PGD: variants seen among roughly 807,000 people sequenced by gnomAD.
PGD encodes 6-phosphogluconate dehydrogenase, decarboxylating.
A neutral mutation model predicts 60.4 loss-of-function variants in PGD; 21 were observed. That is an observed-to-expected ratio of 0.35 (90% confidence interval 0.25 to 0.50). The LOEUF (loss-of-function observed/expected upper bound fraction) is 0.50, where lower values mean the gene tolerates loss of function less well. PGD is among the 20% of genes least tolerant of loss of function. PGD has a pLI of 0.98. For synonymous variants in PGD, 230 were observed against 235.9 expected, an observed-to-expected ratio of 0.97 and a Z score of 0.23; for missense variants, 477 against 613.1, an observed-to-expected ratio of 0.78 and a Z score of 2.34.
Position 10,401,964 on chromosome 1 carries a change from G to A in PGD, c.265-1107G>A, listed in dbSNP as rs569819479. ...CGGGAGGCAGAGCTTGCAGTGAGCCGAGATCACACCACTGCATTGCAGCCT... is the reference window on the plus strand; with the variant it reads ...CGGGAGGCAGAGCTTGCAGTGAGCCAAGATCACACCACTGCATTGCAGCCT... On this transcript the variant is annotated intron_variant, in intron 3 of 12. Coordinates refer to ENST00000270776, the MANE Select transcript of PGD (RefSeq NM_002631.4). Among the ~76,000 whole-genome samples, 222 of 151,770 alleles carry A rather than the reference G, an allele frequency of 1.5e-3. 1 individual carries two copies. Among genetic ancestry groups the A allele is most frequent in the African/African-American group, 4.5e-3 (184 of 41,322 alleles).
Position 10,420,243 on chromosome 1 carries a change from CAAG to C in PGD, c.*497_*499del, listed in dbSNP as rs1639670575. On this transcript the variant is annotated 3_prime_UTR_variant, in exon 13 of 13. Coordinates refer to ENST00000270776, the MANE Select transcript of PGD (RefSeq NM_002631.4). Reference sequence around the variant, plus strand: ...TTTAAAAAAAAAGACTAGAATAACACAAGAAACCACATTTAGGATTATGCTTCA... The same window carrying C: ...TTTAAAAAAAAAGACTAGAATAACACAAACCACATTTAGGATTATGCTTCA... The C allele has an allele frequency of 1.9e-5, 3 of 159,006 alleles. No homozygotes were observed. The highest frequency in any genetic ancestry group is 6.0e-5 in the Admixed American group (1 of 16,802). The allele number at this position is 159,006 out of a possible 1,614,324, so 9.8% of individuals were successfully genotyped here. A position where few individuals can be genotyped will look rare whatever the true frequency, so the allele number is the denominator to read the frequency against.
chr1:10,410,307 C>G (rs540087548), intron 6 of PGD, among the ~76,000 whole-genome samples: 126 of 152,036 alleles, frequency 8.3e-4, no homozygotes, highest in Middle Eastern at 3.4e-3. Context: ...CTGAGTGTGG[C>G]GGTGTGCTCC....
At chr1:10,399,212 G>T in intron 1 of PGD, 87 bp downstream of exon 1, 1 of 1,484,432 alleles carries the variant, frequency 6.7e-7, no homozygotes, top group South Asian at 1.2e-5. Flanking sequence ...TCTCTCCGAC[G>T]CCTCCCACCC....
At chr1:10,405,796 A>G (rs1372294524) in intron 5 of PGD, among the ~76,000 whole-genome samples, 1 of 151,954 alleles carries the variant, frequency 6.6e-6, no homozygotes, top group Non-Finnish European at 1.5e-5. Context: ...AGATCTCACC[A>G]CTGCACTCCA....
intron 7 of PGD, among the ~76,000 whole-genome samples, chr1:10,411,950 C>T (rs1028116828): frequency 6.6e-6 from 1 of 152,136 alleles, no homozygotes; most frequent in Non-Finnish European, 1.5e-5. Flanking sequence ...GAAGCATTTC[C>T]CCCAACATTT....
In PGD at chr1:10,419,889, A is replaced by G; in HGVS notation, c.*140A>G. On this transcript the variant is annotated 3_prime_UTR_variant, in exon 13 of 13. Transcript: ENST00000270776. The stretch of plus-strand genomic sequence containing the variant: ...TAAGAGACTCCTGAGGAAGACACAC[A>G]GTTTATTTGTAAAGTAGCTCTGTGA... The G allele has an allele frequency of 2.0e-6, 2 of 1,024,366 alleles. No individual in the cohort carries two copies. The highest frequency in any genetic ancestry group is 1.6e-5 in the African/African-American group (1 of 62,902). 63.5% of individuals were successfully genotyped at this position (1,024,366 alleles called of 1,614,324 possible).
In PGD at chr1:10,420,378, TTTTC is replaced by T. The variant is rs1302483116; in HGVS notation, c.*634_*637del. Among the ~76,000 whole-genome samples the T allele has an allele frequency of 6.9e-6, 1 of 144,306 alleles. No homozygotes were observed. Among genetic ancestry groups the T allele is most frequent in the Non-Finnish European group, 1.5e-5 (1 of 67,214 alleles). The allele number at this position is 144,306 out of a possible 152,430, so 94.7% of individuals were successfully genotyped here. A position where few individuals can be genotyped will look rare whatever the true frequency, so the allele number is the denominator to read the frequency against. ...ACATGGACGTTCACTGTAACGTGCT[TTTTC>T]TTTCGTCTTTTTTTTTTTTTTTTTT... is the stretch of plus-strand genomic sequence containing the variant. On this transcript the variant is annotated 3_prime_UTR_variant, in exon 13 of 13. Coordinates refer to ENST00000270776, the MANE Select transcript of PGD (RefSeq NM_002631.4).
At chr1:10,402,001 C>T (rs1184414894) in intron 3 of PGD, among the ~76,000 whole-genome samples, 7 of 151,726 alleles carry the variant, frequency 4.6e-5, no homozygotes, top group East Asian at 1.9e-4. Flanking sequence ...GGTGACAGTG[C>T]GAGACTCCGT....
intron 8 of PGD, among the ~76,000 whole-genome samples, chr1:10,416,120 G>GTC (rs1431105636): frequency 6.6e-6 from 1 of 152,086 alleles, no homozygotes; most frequent in African/African-American, 2.4e-5. Context: ...TAGAGACAGG[G>GTC]TCTCACTGTG....
intron 3 of PGD, among the ~76,000 whole-genome samples, chr1:10,402,684 C>T (rs750524169): frequency 4.0e-5 from 6 of 151,820 alleles, no homozygotes; most frequent in African/African-American, 1.2e-4. Context: ...CCACAACGCC[C>T]GGCTAATTTT....
chr1:10,399,111 C>G lies in PGD; in HGVS notation c.-7C>G, dbSNP rs545944696. 6.2e-7 allele frequency: 1 copy of G among 1,609,698 alleles called. No homozygotes were observed. The highest frequency in any genetic ancestry group is 8.5e-7 in the Non-Finnish European group (1 of 1,179,712). ...CGCCGCTCTTCGGTTCTGCTCTGTC[C>G]GCCGCCATGGCCCAGTGAGTGACTC... On this transcript the variant is annotated 5_prime_UTR_variant, in exon 1 of 13. Transcript: ENST00000270776.
intron 10 of PGD, among the ~76,000 whole-genome samples, chr1:10,418,302 A>G (rs1639630278): frequency 6.6e-6 from 1 of 152,214 alleles, no homozygotes; most frequent in Non-Finnish European, 1.5e-5. Flanking sequence ...CATATTGAAA[A>G]TCGTCAGATT....
rs1639441763 is a variant in PGD, at chr1:10,408,243, G to A, written c.519+103G>A. On this transcript the variant is annotated intron_variant, in intron 6 of 12. Coordinates refer to ENST00000270776, the MANE Select transcript of PGD (RefSeq NM_002631.4). ...CCGTGGTCTCCCAGGGGTTAGCTTGGTGACATAAACGTCTCGATCTTTGAT... is the reference window on the plus strand; with the variant it reads ...CCGTGGTCTCCCAGGGGTTAGCTTGATGACATAAACGTCTCGATCTTTGAT... 8.0e-6 allele frequency: 6 copies of A among 749,948 alleles called. No individual in the cohort carries two copies. In the South Asian group the frequency reaches 8.4e-5, roughly 10 times the overall value. 46.5% of individuals were successfully genotyped at this position (749,948 alleles called of 1,614,324 possible).
At chr1:10,406,445 A>T (rs1432166337) in intron 5 of PGD, among the ~76,000 whole-genome samples, 4 of 152,222 alleles carry the variant, frequency 2.6e-5, no homozygotes. Flanking sequence ...GTGAGCAGTT[A>T]GAAAGGCAAC....
intron 6 of PGD, among the ~76,000 whole-genome samples, chr1:10,409,495 C>T (rs1478491517): frequency 6.6e-6 from 1 of 151,856 alleles, no homozygotes; most frequent in Non-Finnish European, 1.5e-5. Flanking sequence ...GCTTATAATC[C>T]AGTATTTTGG....
intron 8 of PGD, chr1:10,415,323 C>T (rs950698042): frequency 6.6e-6 from 1 of 152,192 alleles, no homozygotes; most frequent in Non-Finnish European, 1.5e-5. Flanking sequence ...CGATCTGAGC[C>T]ATAACATAGG....
intron 2 of PGD, 65 bp from the exon 3 acceptor site, chr1:10,400,328 C>G: frequency 7.9e-7 from 1 of 1,262,444 alleles, no homozygotes; most frequent in Non-Finnish European, 1.1e-6. Flanking sequence ...GTCATTGTTA[C>G]TTTGGCCACA....
intron 3 of PGD, among the ~76,000 whole-genome samples, chr1:10,402,571 G>T (rs2102385973): frequency 6.6e-6 from 1 of 151,180 alleles, no homozygotes; most frequent in African/African-American, 2.4e-5. Flanking sequence ...CCCCCAGGCT[G>T]GAGTGCAGTG....
At chr1:10,416,847 C>G (rs922383083) in intron 8 of PGD, 140 bp from the exon 9 acceptor site, 6 of 653,920 alleles carry the variant, frequency 9.2e-6, no homozygotes, top group African/African-American at 7.3e-5. Flanking sequence ...AGGAACCAGC[C>G]ATTTTCACTT....
Sources: allele counts gnomAD v4.1 joint callset (sites outside exome capture counted in the v4.1 genomes callset), GRCh38; gene constraint gnomAD v4.1.1; transcripts MANE v1.5; gene names NCBI Gene and HGNC (gene_info 2026-07-23, HGNC 2026-07-21).